AKAP9: variants seen among roughly 807,000 people sequenced by gnomAD.
The protein encoded by AKAP9 is A-kinase anchoring protein 9, also known as A-kinase anchor protein 9.
In AKAP9, 311 loss-of-function variants were observed where a neutral mutation model predicts 488.5. That is an observed-to-expected ratio of 0.64 (90% CI 0.58 to 0.70). The LOEUF (loss-of-function observed/expected upper bound fraction) is 0.70. AKAP9 is among the 30% of genes least tolerant of loss of function. AKAP9 has a pLI of 0.00. For missense variants in AKAP9, 4,215 were observed against 4,374.5 expected, an observed-to-expected ratio of 0.96 and a Z score of 1.03; for synonymous variants, 1,462 against 1,483.5, an observed-to-expected ratio of 0.99 and a Z score of 0.33.
At chr7:92,048,715 T>C (rs1383343713) in intron 21 of AKAP9, among the ~76,000 whole-genome samples, 1 of 152,216 alleles carries the variant, frequency 6.6e-6, no homozygotes, top group Admixed American at 6.5e-5. Flanking sequence ...AAGACCAGCC[T>C]GGCCAACATG....
chr7:92,002,046 T>G lies in AKAP9; in HGVS notation c.2129T>G (p.Val710Gly). 6.2e-7 allele frequency: 1 copy of G among 1,604,600 alleles called. No homozygotes were observed. Among genetic ancestry groups the G allele is most frequent in the Non-Finnish European group, 8.5e-7 (1 of 1,177,230 alleles). Reference protein sequence around the residue: ...SKLKDLQQSLVNSKSEEMTLQ... With the variant: ...SKLKDLQQSLGNSKSEEMTLQ... ...CTAAAAGATTTACAGCAGTCTCTTGTAAATTCAAAGTCAGAAGAAATGACT... is the reference window on the plus strand; with the variant it reads ...CTAAAAGATTTACAGCAGTCTCTTGGAAATTCAAAGTCAGAAGAAATGACT... Residue 710 changes from valine to glycine, a missense_variant, in exon 8 of 50, where the codon GTA (valine) becomes GGA (glycine). By Grantham distance (109) the Val-to-Gly change is moderately radical. This residue lies in a region of AKAP9 where 2,361 missense variants were observed against 2,430.0 expected (regional missense o/e 0.97). Coordinates refer to ENST00000356239, the MANE Select transcript of AKAP9 (RefSeq NM_005751.5).
chr7:92,107,008 G>C (rs1163053187), intron 47 of AKAP9, among the ~76,000 whole-genome samples: 1 of 152,134 alleles, frequency 6.6e-6, no homozygotes, highest in Non-Finnish European at 1.5e-5. Flanking sequence ...TCTACTTAGA[G>C]CTAAGGTCTT....
intron 1 of AKAP9, among the ~76,000 whole-genome samples, chr7:91,966,327 G>A (rs1273266693): frequency 6.6e-6 from 1 of 152,042 alleles, no homozygotes; most frequent in Non-Finnish European, 1.5e-5. Context: ...GTAGTTTCAG[G>A]TCTTAGATTT....
At chr7:91,968,848 G>T (rs1794725324) in intron 1 of AKAP9, among the ~76,000 whole-genome samples, 1 of 152,000 alleles carries the variant, frequency 6.6e-6, no homozygotes, top group African/African-American at 2.4e-5. Flanking sequence ...TGACCCATTT[G>T]TCCTTCAGGA....
intron 3 of AKAP9, among the ~76,000 whole-genome samples, chr7:91,982,074 A>C (rs1796486396): frequency 6.6e-6 from 1 of 152,108 alleles, no homozygotes; most frequent in South Asian, 2.1e-4. Flanking sequence ...TGCCCATGAA[A>C]TTTGGTTACA....
chr7:91,993,273 C>G (rs1428732862), intron 5 of AKAP9, among the ~76,000 whole-genome samples: 7 of 151,410 alleles, frequency 4.6e-5, no homozygotes, highest in African/African-American at 1.7e-4. Context: ...ACTGCATCCT[C>G]TGCTTCCTGG....
intron 32 of AKAP9, 151 bp downstream of exon 32, chr7:92,082,813 A>G: frequency 9.9e-7 from 1 of 1,008,762 alleles, no homozygotes; most frequent in African/African-American, 1.6e-5. Context: ...TCATTGTTAT[A>G]AATTTCTTTA....
rs1216780667 is a variant in AKAP9 at position 92,000,700 on chromosome 7, A to G, written c.931-148A>G. 71 of 496,170 alleles carry G rather than the reference A, an allele frequency of 1.4e-4. No individual in the cohort carries two copies. The East Asian group carries it at 2.4e-3, about 16-fold the overall frequency. The allele number at this position is 496,170 out of a possible 1,614,324, so 30.7% of individuals were successfully genotyped here. ...CGAGTTCTAAGTGTCATTATTGTGG[A>G]AAAAATTGAGGGGCAGGACCAACAT... On this transcript the variant is annotated intron_variant, in intron 7 of 49. Transcript: ENST00000356239.
At chr7:92,077,334 G>A (rs746950607) in intron 29 of AKAP9, among the ~76,000 whole-genome samples, 8 of 151,738 alleles carry the variant, frequency 5.3e-5, no homozygotes, top group East Asian at 1.9e-4. Context: ...CTCGTGATCC[G>A]CCTGTCTTGG....
intron 17 of AKAP9, 28 bp from the exon 18 acceptor site, chr7:92,040,646 G>GTTGT: frequency 2.7e-6 from 3 of 1,118,610 alleles, no homozygotes; most frequent in Non-Finnish European, 3.8e-6. Flanking sequence ...TGGTTGAATT[G>GTTGT]TTTTTTTTTT....
At chr7:91,991,432 G>A (rs1797737218) in intron 3 of AKAP9, among the ~76,000 whole-genome samples, 1 of 151,646 alleles carries the variant, frequency 6.6e-6, no homozygotes. Flanking sequence ...TCCTGCCTCA[G>A]CCTCCCTTGT....
intron 3 of AKAP9, among the ~76,000 whole-genome samples, chr7:91,990,630 T>A (rs1029547989): frequency 2.6e-5 from 4 of 152,138 alleles, no homozygotes; most frequent in African/African-American, 9.6e-5. Flanking sequence ...AGTGGCTAAA[T>A]AAAGTACTAG....
In AKAP9 at chr7:92,079,278, A is replaced by G; in HGVS notation, c.7145A>G (p.Asp2382Gly). Residue 2382 changes from aspartate to glycine, a missense_variant, in exon 31 of 50, where the codon GAC (aspartate) becomes GGC (glycine). By Grantham distance (94) the Asp-to-Gly change is moderately conservative. This residue lies in a region of AKAP9 where 1,476 missense variants were observed against 1,477.4 expected (regional missense o/e 1.00). Coordinates refer to ENST00000356239, the MANE Select transcript of AKAP9 (RefSeq NM_005751.5). ...MNAHSLSEEA[D>G]SLKHQLDVVI... is the part of the protein sequence containing the mutation. The stretch of plus-strand genomic sequence containing the variant: ...GCTCATTCCCTCTCAGAAGAAGCAG[A>G]CAGTTTAAAACATCAATTGGATGTG... 1.2e-6 allele frequency: 2 copies of G among 1,614,112 alleles called. No homozygotes were observed. The highest frequency in any genetic ancestry group is 1.7e-6 in the Non-Finnish European group (2 of 1,179,996).
intron 15 of AKAP9, among the ~76,000 whole-genome samples, chr7:92,030,556 C>A (rs1480887206): frequency 6.6e-6 from 1 of 150,498 alleles, no homozygotes; most frequent in East Asian, 1.9e-4. Context: ...GCAGGAGAGT[C>A]GCTTGAACCT....
chr7:92,061,678 A>G (rs1809878502), intron 23 of AKAP9, among the ~76,000 whole-genome samples: 1 of 149,110 alleles, frequency 6.7e-6, no homozygotes. Flanking sequence ...AAATACCAAA[A>G]AGGATAGTGG....
chr7:92,080,538 C>A (rs1326690260), intron 31 of AKAP9, among the ~76,000 whole-genome samples: 1 of 151,492 alleles, frequency 6.6e-6, no homozygotes, highest in Admixed American at 6.6e-5. Context: ...GCAGAGCTTG[C>A]AGTGAGCCAA....
intron 21 of AKAP9, 82 bp from the exon 22 acceptor site, chr7:92,052,644 G>A: frequency 2.1e-6 from 2 of 960,906 alleles, no homozygotes; most frequent in Non-Finnish European, 3.1e-6. Context: ...ATGATTTCCA[G>A]TTTAGTTTGA....
At chr7:91,975,971 A>C (rs1430146021) in intron 2 of AKAP9, among the ~76,000 whole-genome samples, 1 of 138,592 alleles carries the variant, frequency 7.2e-6, no homozygotes, top group East Asian at 2.0e-4. Context: ...TTTGCACTCC[A>C]CTGCTGGAGT....
Position 92,033,108 on chromosome 7 carries a change from T to G in AKAP9, c.4338+1504T>G, listed in dbSNP as rs143444627. Among the ~76,000 whole-genome samples the G allele has an allele frequency of 5.0e-3, 759 of 152,330 alleles. 4 individuals are homozygous for G. The highest frequency in any genetic ancestry group is 0.01 in the Middle Eastern group (3 of 294). ...CTCATAAATACTATTTTAAAAGTAG[T>G]CATTACTGTGATAATGGTGGTAACA... On this transcript the variant is annotated intron_variant, in intron 16 of 49. Transcript: ENST00000356239.
Sources: allele counts gnomAD v4.1 joint callset (sites outside exome capture counted in the v4.1 genomes callset), GRCh38; gene constraint gnomAD v4.1.1; regional missense constraint gnomAD v4.1.1; transcripts MANE v1.5; gene names NCBI Gene and HGNC (gene_info 2026-07-23, HGNC 2026-07-21).